Variants in FAM227B observed in about 807,000 individuals in gnomAD.
FAM227B encodes the protein family with sequence similarity 227 member B.
In FAM227B, 88 loss-of-function variants were observed where a neutral mutation model predicts 73.8. That is an observed-to-expected ratio of 1.19 (90% CI 1.00 to 1.42). The LOEUF (loss-of-function observed/expected upper bound fraction) is 1.42, where lower values mean the gene tolerates loss of function less well. Ranked by LOEUF, FAM227B falls within the 40% of genes most tolerant of loss-of-function variation. The pLI, the probability that FAM227B is intolerant of heterozygous loss-of-function variation, is 0.00. For synonymous variants in FAM227B, 210 were observed against 190.5 expected, an observed-to-expected ratio of 1.10 and a Z score of -0.84; for missense variants, 632 against 590.9, an observed-to-expected ratio of 1.07 and a Z score of -0.72.
At chr15:49,544,503 T>A (rs1007008680) in intron 9 of FAM227B, among the ~76,000 whole-genome samples, 17 of 152,206 alleles carry the variant, frequency 1.1e-4, no homozygotes, top group African/African-American at 3.4e-4. Flanking sequence ...CTTTATTTCA[T>A]TCTCTTCTTT....
chr15:49,431,275 G>A (rs753771957), intron 11 of FAM227B, among the ~76,000 whole-genome samples: 2 of 151,772 alleles, frequency 1.3e-5, no homozygotes, highest in African/African-American at 2.4e-5. Flanking sequence ...GTGTTAAAGA[G>A]TCCCTGAATG....
chr15:49,342,078 G>GT (rs1262140914), intron 13 of FAM227B, among the ~76,000 whole-genome samples: 1 of 152,054 alleles, frequency 6.6e-6, no homozygotes, highest in African/African-American at 2.4e-5. Context: ...CAAGTCCTGA[G>GT]TTTTTTTGTT....
At chr15:49,358,573 C>A (rs1266148451) in intron 13 of FAM227B, among the ~76,000 whole-genome samples, 1 of 148,514 alleles carries the variant, frequency 6.7e-6, no homozygotes. Flanking sequence ...AACCACTGCT[C>A]AAGGAAATAA....
intron 11 of FAM227B, among the ~76,000 whole-genome samples, chr15:49,402,672 G>A (rs1359778853): frequency 6.6e-6 from 1 of 152,150 alleles, no homozygotes; most frequent in Non-Finnish European, 1.5e-5. Context: ...ATCAGCTTAA[G>A]AAGCTTTTGG....
chr15:49,390,184 C>T (rs35001785), intron 11 of FAM227B, among the ~76,000 whole-genome samples: 24,535 of 151,834 alleles, frequency 0.16, 3,129 homozygotes, highest in African/African-American at 0.35. Context: ...AACCACTATA[C>T]GGGCCACCCA....
intron 10 of FAM227B, among the ~76,000 whole-genome samples, chr15:49,511,446 T>G (rs1444819632): frequency 6.6e-6 from 1 of 152,136 alleles, no homozygotes; most frequent in East Asian, 1.9e-4. Flanking sequence ...GGCACATATT[T>G]CTTATTTTAT....
At chr15:49,570,020 C>T (rs540624399) in intron 8 of FAM227B, among the ~76,000 whole-genome samples, 1 of 152,002 alleles carries the variant, frequency 6.6e-6, no homozygotes, top group African/African-American at 2.4e-5. Flanking sequence ...CATTCGTTGA[C>T]AGACAATTAG....
At chr15:49,558,169 T>A (rs1282253930) in intron 9 of FAM227B, among the ~76,000 whole-genome samples, 1 of 152,134 alleles carries the variant, frequency 6.6e-6, no homozygotes, top group Non-Finnish European at 1.5e-5. Context: ...CAGCTCTGCA[T>A]TTCTCCAGAA....
chr15:49,328,651 C>A lies in FAM227B; in HGVS notation c.1444G>T (p.Glu482Ter), dbSNP rs746272410. 1.3e-6 allele frequency: 2 copies of A among 1,571,608 alleles called. No individual in the cohort carries two copies. The highest frequency in any genetic ancestry group is 1.7e-6 in the Non-Finnish European group (2 of 1,155,214). Residue 482 changes from glutamate (E) to a stop codon, truncating the protein, a stop_gained, in exon 16 of 16, where the codon GAA becomes TAA. Coordinates refer to ENST00000299338, the MANE Select transcript of FAM227B (RefSeq NM_152647.3). LOFTEE classifies it low-confidence loss of function (END_TRUNC). The stretch of plus-strand genomic sequence containing the variant: ...GATGACGATAGTGATGCCACACATT[C>A]TCTCTCAATTTCAGCTTCGGAACGC... ...KLRSEAEIER[E>*]CVASLSSSSS...
intron 11 of FAM227B, among the ~76,000 whole-genome samples, chr15:49,413,060 C>T (rs925470173): frequency 6.6e-6 from 1 of 152,040 alleles, no homozygotes; most frequent in African/African-American, 2.4e-5. Context: ...TATTGGACAT[C>T]TGGAATTTAA....
chr15:49,394,191 C>T (rs999315177), intron 11 of FAM227B, among the ~76,000 whole-genome samples: 2 of 152,040 alleles, frequency 1.3e-5, no homozygotes, highest in Admixed American at 6.6e-5. Context: ...AAAATGATAC[C>T]ATCAACACCA....
At chr15:49,361,454 T>C (rs2044224662) in intron 13 of FAM227B, among the ~76,000 whole-genome samples, 1 of 152,156 alleles carries the variant, frequency 6.6e-6, no homozygotes, top group Non-Finnish European at 1.5e-5. Context: ...TGTGTCCACA[T>C]GTACTCAATG....
chr15:49,555,774 G>A (rs2073602387), intron 9 of FAM227B, among the ~76,000 whole-genome samples: 1 of 152,096 alleles, frequency 6.6e-6, no homozygotes, highest in Non-Finnish European at 1.5e-5. Context: ...TTGTCTGATT[G>A]GTTGATTTTG....
intron 13 of FAM227B, among the ~76,000 whole-genome samples, chr15:49,351,539 G>T (rs2042242149): frequency 6.6e-6 from 1 of 152,140 alleles, no homozygotes; most frequent in Non-Finnish European, 1.5e-5. Flanking sequence ...AGCAATCAAT[G>T]GATTGTTTTC....
intron 11 of FAM227B, among the ~76,000 whole-genome samples, chr15:49,418,051 AC>A (rs898889545): frequency 6.6e-6 from 1 of 152,220 alleles, no homozygotes; most frequent in African/African-American, 2.4e-5. Flanking sequence ...TGTCTAAAAA[AC>A]ATATGAAAGA....
intron 10 of FAM227B, among the ~76,000 whole-genome samples, chr15:49,523,403 G>A (rs2059925193): frequency 6.6e-6 from 1 of 152,146 alleles, no homozygotes; most frequent in Non-Finnish European, 1.5e-5. Flanking sequence ...CTCTTTGCCT[G>A]CTGCCATCCA....
At chr15:49,529,750 CTT>C (rs1215677883) in intron 10 of FAM227B, among the ~76,000 whole-genome samples, 5 of 151,730 alleles carry the variant, frequency 3.3e-5, no homozygotes, top group African/African-American at 1.2e-4. Flanking sequence ...CACATCTACT[CTT>C]TTTCCTTCCC....
intron 9 of FAM227B, among the ~76,000 whole-genome samples, chr15:49,559,138 C>T (rs1442057261): frequency 6.6e-6 from 1 of 152,046 alleles, no homozygotes; most frequent in Non-Finnish European, 1.5e-5. Flanking sequence ...GAGTCATGAG[C>T]CCTGGAACAA....
intron 9 of FAM227B, among the ~76,000 whole-genome samples, chr15:49,562,477 G>A (rs1473504783): frequency 2.6e-4 from 39 of 151,844 alleles, no homozygotes; most frequent in Admixed American, 2.5e-3. Context: ...AGGAACCTTA[G>A]CGGGGCTTCT....
Sources: allele counts gnomAD v4.1 joint callset (sites outside exome capture counted in the v4.1 genomes callset), GRCh38; gene constraint gnomAD v4.1.1; transcripts MANE v1.5; gene names NCBI Gene and HGNC (gene_info 2026-07-23, HGNC 2026-07-21).